FLRT1: variants seen among roughly 807,000 people sequenced by gnomAD.
The protein encoded by FLRT1 is fibronectin leucine rich transmembrane protein 1, also known as leucine-rich repeat transmembrane protein FLRT1.
FLRT1 carries 14 observed loss-of-function variants against 30.9 expected under a neutral mutation model. The ratio of observed to expected loss-of-function variants is 0.45; its 90% CI spans 0.30 to 0.71. The LOEUF is 0.71. FLRT1 is among the 30% of genes least tolerant of loss of function. The pLI, the probability that FLRT1 is intolerant of heterozygous loss-of-function variation, is 0.08. For synonymous variants in FLRT1, 368 were observed against 430.4 expected (o/e 0.85, Z 1.80); for missense variants, 737 against 949.2 (o/e 0.78, Z 2.94).
intron 1 of FLRT1, among the ~76,000 whole-genome samples, chr11:64,070,336 T>C (rs1212224521): frequency 1.3e-5 from 2 of 152,070 alleles, no homozygotes; most frequent in East Asian, 3.9e-4. Context: ...CTCGGAGCTG[T>C]GACTGAGAAT....
intron 1 of FLRT1, among the ~76,000 whole-genome samples, chr11:64,093,482 G>C (rs1944525873): frequency 2.0e-5 from 3 of 152,256 alleles, no homozygotes; most frequent in Non-Finnish European, 4.4e-5. Context: ...ATGTAGACTA[G>C]GTATGGATGC....
intron 2 of FLRT1, among the ~76,000 whole-genome samples, chr11:64,106,150 G>A (rs919762930): frequency 2.0e-5 from 3 of 152,160 alleles, no homozygotes; most frequent in Non-Finnish European, 2.9e-5. Flanking sequence ...TGAGATAGGC[G>A]GTAGGAGACC....
Position 64,096,209 on chromosome 11 carries a change from C to T in FLRT1, c.-1037-6985C>T, listed in dbSNP as rs548960439. Among the ~76,000 whole-genome samples, 13 of 152,340 alleles carry T rather than the reference C, an allele frequency of 8.5e-5. No homozygotes were observed. The highest frequency in any genetic ancestry group is 1.6e-4 in the Non-Finnish European group (11 of 68,034). ...CAAGGGCCAGCCAAGAGCACTGTGA[C>T]GGGCAGGCAGGGGGTCGAACAGCCA... On this transcript the variant is annotated intron_variant, in intron 1 of 2. Transcript: ENST00000682287. The surrounding 1 kb of genome is among the most constrained non-coding windows in gnomAD (Gnocchi z 4.6).
At position 64,036,644 on chromosome 11, in the gene FLRT1, G is replaced by A. The variant is rs1408592610; in HGVS notation, c.-1038+485G>A. The stretch of plus-strand genomic sequence containing the variant: ...CCACCAGCCGCGTGAGTCACGGTTG[G>A]AGCGAGGTTTTATTTTTAAAACGAC... On this transcript the variant is annotated intron_variant, in intron 1 of 2. Coordinates refer to ENST00000682287, the MANE Select transcript of FLRT1 (RefSeq NM_013280.5). The surrounding 1 kb of genome is among the most constrained non-coding windows in gnomAD (Gnocchi z 5.6). Among the ~76,000 whole-genome samples the A allele has an allele frequency of 6.6e-6, 1 of 152,194 alleles. No homozygotes were observed. Among genetic ancestry groups the A allele is most frequent in the African/African-American group, 2.4e-5 (1 of 41,468 alleles).
intron 1 of FLRT1, among the ~76,000 whole-genome samples, chr11:64,089,609 C>A (rs1401518093): frequency 6.6e-6 from 1 of 152,194 alleles, no homozygotes; most frequent in Admixed American, 6.5e-5. Flanking sequence ...GGAGACTGTT[C>A]TCAGAGCAAG....
In FLRT1 at chr11:64,118,252, G is replaced by A. The variant is rs750934842; in HGVS notation, c.1985G>A (p.Arg662Gln). The A allele has an allele frequency of 6.9e-6, 11 of 1,600,764 alleles. No individual in the cohort carries two copies. Among genetic ancestry groups the A allele is most frequent in the African/African-American group, 2.7e-5 (2 of 74,754 alleles). The change falls in exon 3 of 3, where the codon CGG becomes CAG. Residue 662 changes from arginine (R) to glutamine (Q), a missense_variant. Arg to Gln is a conservative substitution (Grantham distance 43). Transcript: ENST00000682287. ...TIGYGTTRGY[R>Q]DGGIPDIDYS... ...GGCTACGGCACCACGCGGGGCTACC[G>A]GGACGGCGGCATCCCCGACATAGAC...
chr11:64,092,033 AG>A, intron 1 of FLRT1, among the ~76,000 whole-genome samples: 1 of 152,254 alleles, frequency 6.6e-6, no homozygotes, highest in Non-Finnish European at 1.5e-5. Context: ...TCAGCTCCTG[AG>A]GGTCCCAAAA....
At chr11:64,050,405 C>G (rs1485213016) in intron 1 of FLRT1, among the ~76,000 whole-genome samples, 1 of 152,226 alleles carries the variant, frequency 6.6e-6, no homozygotes, top group Non-Finnish European at 1.5e-5. Flanking sequence ...GGGGCCAGGC[C>G]CTTGGCCAGC....
intron 1 of FLRT1, among the ~76,000 whole-genome samples, chr11:64,094,618 C>T (rs540201572): frequency 1.8e-4 from 27 of 152,258 alleles, no homozygotes; most frequent in Admixed American, 3.9e-4. Context: ...GCCATTGGGT[C>T]GCGTACGTCA....
chr11:64,099,195 A>G (rs190385235), intron 1 of FLRT1, among the ~76,000 whole-genome samples: 199 of 152,332 alleles, frequency 1.3e-3, no homozygotes, highest in Non-Finnish European at 2.3e-3. Context: ...GCACAGCGTC[A>G]TCTTCTCCAA....
chr11:64,070,397 T>C (rs781139575), intron 1 of FLRT1, among the ~76,000 whole-genome samples: 4 of 151,998 alleles, frequency 2.6e-5, no homozygotes, highest in Non-Finnish European at 4.4e-5. Flanking sequence ...TCCTATAAAA[T>C]AGAGCCGGCC....
intron 1 of FLRT1, among the ~76,000 whole-genome samples, chr11:64,044,399 G>A (rs1035259436): frequency 6.6e-6 from 1 of 151,918 alleles, no homozygotes; most frequent in Non-Finnish European, 1.5e-5. Context: ...CTACAGGCAC[G>A]CACCAACACA....
Position 64,116,211 on chromosome 11 carries a change from C to A in FLRT1, c.-49-8C>A. On this transcript the variant is annotated splice_polypyrimidine_tract_variant and splice_region_variant and intron_variant, in intron 2 of 2. Transcript: ENST00000682287. ...CCTCTCACTGCCCCTGTCCTGTGCT[C>A]CTTGCAGGTATTCAGGCTCCAGGCC... 1 of 1,554,154 alleles carries A rather than the reference C, an allele frequency of 6.4e-7. No homozygotes were observed. Among genetic ancestry groups the A allele is most frequent in the South Asian group, 1.2e-5 (1 of 82,628 alleles).
intron 2 of FLRT1, among the ~76,000 whole-genome samples, chr11:64,105,019 G>A (rs1162837756): frequency 6.6e-6 from 1 of 152,242 alleles, no homozygotes; most frequent in Non-Finnish European, 1.5e-5. Flanking sequence ...TCAGGAGAGG[G>A]GTTGATTTAT....
chr11:64,110,650 G>A (rs544804729), intron 2 of FLRT1, among the ~76,000 whole-genome samples: 2 of 152,088 alleles, frequency 1.3e-5, no homozygotes, highest in East Asian at 1.9e-4. Context: ...TGCTCCCTTC[G>A]CCCACCCCCG....
At chr11:64,071,743 A>G (rs1470045130) in intron 1 of FLRT1, among the ~76,000 whole-genome samples, 1 of 152,200 alleles carries the variant, frequency 6.6e-6, no homozygotes, top group Non-Finnish European at 1.5e-5. Context: ...CTAGAGTCAC[A>G]GATGGCAGGA....
At chr11:64,084,032 C>T (rs932555925) in intron 1 of FLRT1, among the ~76,000 whole-genome samples, 3 of 152,004 alleles carry the variant, frequency 2.0e-5, no homozygotes, top group Non-Finnish European at 4.4e-5. Context: ...CCTCAGGAGG[C>T]AGAGCTGGTG....
rs186434210 is a variant in FLRT1, at chr11:64,108,131, T to C, written c.-50+3950T>C. ...GAGTTAGTGACCAGCCTGACCAACA[T>C]GGAGAAATCCCGTCTCTACTAAAAA... On this transcript the variant is annotated intron_variant, in intron 2 of 2. Transcript: ENST00000682287. Among the ~76,000 whole-genome samples the C allele has an allele frequency of 3.6e-4, 54 of 152,042 alleles. No homozygotes were observed. The East Asian group carries it at 7.7e-3, about 22-fold the overall frequency.
In FLRT1 at chr11:64,036,676, G is replaced by A. The variant is rs1943386766; in HGVS notation, c.-1038+517G>A. Among the ~76,000 whole-genome samples, 1 of 152,142 alleles carries A rather than the reference G, an allele frequency of 6.6e-6. No individual in the cohort carries two copies. The highest frequency in any genetic ancestry group is 2.4e-5 in the African/African-American group (1 of 41,440). On this transcript the variant is annotated intron_variant, in intron 1 of 2. Transcript: ENST00000682287. This position sits in a 1 kb window ranked among gnomAD's most constrained non-coding sequence, Gnocchi z 5.6. ...GTTTTATTTTTAAAACGACTTCAAG[G>A]GGGGCATGAGCAGCCTCCAACTTCC... is the stretch of plus-strand genomic sequence containing the variant.
Sources: allele counts gnomAD v4.1 joint callset (sites outside exome capture counted in the v4.1 genomes callset), GRCh38; gene constraint gnomAD v4.1.1; non-coding constraint Gnocchi (gnomAD v3.1); transcripts MANE v1.5; gene names NCBI Gene and HGNC (gene_info 2026-07-23, HGNC 2026-07-21).